Variants in CD200 observed in about 807,000 individuals in gnomAD.
CD200 encodes the protein CD200 molecule.
Under a neutral mutation model 30.9 loss-of-function variants are expected in CD200, and 15 were observed. The observed-to-expected ratio is 0.49, with a 90% confidence interval of 0.32 to 0.75. The LOEUF (loss-of-function observed/expected upper bound fraction) is 0.75. Ranked by LOEUF, CD200 falls within the 30% of genes least tolerant of loss-of-function variation. The pLI, the probability that CD200 is intolerant of heterozygous loss-of-function variation, is 0.03. For synonymous variants in CD200, 134 were observed against 126.2 expected (o/e 1.06, Z -0.41); for missense variants, 262 against 324.2 (o/e 0.81, Z 1.47).
Position 112,361,810 on chromosome 3 carries a change from G to A in CD200, c.*260G>A, listed in dbSNP as rs1200939804. 7.3e-6 allele frequency: 4 copies of A among 549,652 alleles called. No homozygotes were observed. The South Asian group carries it at 9.4e-5, about 13-fold the overall frequency. 34.0% of individuals were successfully genotyped at this position (549,652 alleles called of 1,614,324 possible). A position where few individuals can be genotyped will look rare whatever the true frequency, so the allele number is the denominator to read the frequency against. ...AATGCCATGTTATGTGGTTGAAAGG[G>A]CACTGGACTTAGTTAGTATCAGGAG... On this transcript the variant is annotated 3_prime_UTR_variant, in exon 6 of 6. Coordinates refer to ENST00000315711, the MANE Select transcript of CD200 (RefSeq NM_005944.7).
intron 2 of CD200, among the ~76,000 whole-genome samples, chr3:112,341,830 T>G (rs1271905304): frequency 6.6e-6 from 1 of 152,234 alleles, no homozygotes; most frequent in Non-Finnish European, 1.5e-5. Flanking sequence ...TTTCTTCAAA[T>G]CTCTGGTCTG....
Position 112,342,333 on chromosome 3 carries a change from CTTTCCTTCT to C in CD200, c.94+1353_94+1361del, listed in dbSNP as rs1559783140. ...TTCTTCTTTCTTTCTTTCTTTCTTT[CTTTCCTTCT>C]TTCTTTCTTTCTTTCTTTCTTTCTT... On this transcript the variant is annotated intron_variant, in intron 2 of 5. Coordinates refer to ENST00000315711, the MANE Select transcript of CD200 (RefSeq NM_005944.7). Among the ~76,000 whole-genome samples the C allele has an allele frequency of 7.4e-3, 155 of 21,058 alleles. 14 individuals carry two copies. The highest frequency in any genetic ancestry group is 0.017 in the African/African-American group (73 of 4,318). The allele number at this position is 21,058 out of a possible 152,430, so 13.8% of individuals were successfully genotyped here. A position where few individuals can be genotyped will look rare whatever the true frequency, so the allele number is the denominator to read the frequency against.
chr3:112,356,417 A>G (rs1032351511), intron 5 of CD200, among the ~76,000 whole-genome samples: 2 of 152,192 alleles, frequency 1.3e-5, no homozygotes, highest in African/African-American at 4.8e-5. Context: ...ATTTCTATAT[A>G]TGTATACATT....
At chr3:112,357,337 T>C (rs938871345) in intron 5 of CD200, among the ~76,000 whole-genome samples, 2 of 151,308 alleles carry the variant, frequency 1.3e-5, no homozygotes, top group Non-Finnish European at 2.9e-5. Flanking sequence ...AACACTGGCC[T>C]GGGAGGAGAG....
intron 5 of CD200, among the ~76,000 whole-genome samples, chr3:112,360,313 G>A (rs1230777373): frequency 7.4e-6 from 1 of 134,748 alleles, no homozygotes; most frequent in African/African-American, 2.9e-5. Context: ...GGTTGACACA[G>A]TGAGACTTCA....
chr3:112,333,322 C>T, intron 1 of CD200, 98 bp downstream of exon 1: 1 of 1,491,886 alleles, frequency 6.7e-7, no homozygotes, highest in East Asian at 2.5e-5. Flanking sequence ...GGAGCTTCGG[C>T]TCTTGCCACA....
At position 112,333,272 on chromosome 3, in the gene CD200, T is replaced by G. The variant is rs567179485; in HGVS notation, c.12+48T>G. ...AAGGAGGGCGCAGGGCAGGCGATGT[T>G]GAGCCGGTGGCCCTGGGGCGGGCGG... On this transcript the variant is annotated intron_variant, in intron 1 of 5. Coordinates refer to ENST00000315711, the MANE Select transcript of CD200 (RefSeq NM_005944.7). 4.5e-6 allele frequency: 7 copies of G among 1,539,182 alleles called. No homozygotes were observed. In the African/African-American group the frequency reaches 8.2e-5, roughly 18 times the overall value.
intron 1 of CD200, chr3:112,333,893 A>G (rs1448178507): frequency 1.0e-6 from 1 of 985,350 alleles, no homozygotes; most frequent in Non-Finnish European, 1.2e-6. Flanking sequence ...ATTCGGAACC[A>G]GCTTACAAGA....
intron 4 of CD200, among the ~76,000 whole-genome samples, chr3:112,348,410 G>T (rs2081453050): frequency 1.3e-5 from 2 of 152,146 alleles, no homozygotes; most frequent in Non-Finnish European, 2.9e-5. Context: ...CCATTTTAAA[G>T]CAAACTGCCT....
chr3:112,345,429 C>T, intron 3 of CD200, 141 bp downstream of exon 3: 1 of 664,348 alleles, frequency 1.5e-6, no homozygotes, highest in South Asian at 1.9e-5. Context: ...TCTACTATAG[C>T]TGTGTTTATG....
intron 5 of CD200, among the ~76,000 whole-genome samples, chr3:112,353,486 C>A (rs1176577276): frequency 1.3e-5 from 2 of 152,108 alleles, no homozygotes; most frequent in Non-Finnish European, 2.9e-5. Flanking sequence ...TCCTTCTCTT[C>A]ACAATAACCT....
At chr3:112,334,670 C>G (rs2081072751) in intron 1 of CD200, among the ~76,000 whole-genome samples, 1 of 151,870 alleles carries the variant, frequency 6.6e-6, no homozygotes, top group Non-Finnish European at 1.5e-5. Context: ...GTTTTAGCCC[C>G]GGTCACCTCC....
rs114267756 is a variant in CD200, at chr3:112,333,798, T to C, written c.12+574T>C. 1,579 of 985,370 alleles carry C rather than the reference T, an allele frequency of 1.6e-3. 16 individuals are homozygous for C. In the African/African-American group the frequency reaches 0.024, roughly 15 times the overall value. The allele number at this position is 985,370 out of a possible 1,614,324, so 61.0% of individuals were successfully genotyped here. ...ATGAAGGATCAGTTAAAGCTGAAGC[T>C]ACACTTGAGAGAGCTGAAATGCTCT... is the stretch of plus-strand genomic sequence containing the variant. On this transcript the variant is annotated intron_variant, in intron 1 of 5. Transcript: ENST00000315711.
intron 3 of CD200, among the ~76,000 whole-genome samples, chr3:112,346,258 CCTCT>C (rs1453335172): frequency 6.6e-6 from 1 of 151,258 alleles, no homozygotes; most frequent in African/African-American, 2.4e-5. Flanking sequence ...TCCTTTCCTC[CCTCT>C]CTGCCTTCCT....
intron 4 of CD200, among the ~76,000 whole-genome samples, chr3:112,348,088 A>C (rs1054385012): frequency 6.6e-6 from 1 of 152,198 alleles, no homozygotes; most frequent in Admixed American, 6.5e-5. Flanking sequence ...CTTCCACTCT[A>C]CTAACATGTA....
intron 3 of CD200, among the ~76,000 whole-genome samples, chr3:112,346,504 A>T (rs535858256): frequency 4.0e-5 from 6 of 151,774 alleles, no homozygotes; most frequent in South Asian, 2.1e-4. Flanking sequence ...TATAACTTTC[A>T]TGTAAGCCAT....
intron 5 of CD200, among the ~76,000 whole-genome samples, chr3:112,350,542 C>T (rs1385939503): frequency 2.0e-5 from 3 of 152,098 alleles, no homozygotes; most frequent in Non-Finnish European, 2.9e-5. Context: ...AAAGCAAGAG[C>T]AGTGAGCTAG....
At chr3:112,333,295 C>T in intron 1 of CD200, 71 bp downstream of exon 1, 3 of 1,510,946 alleles carry the variant, frequency 2.0e-6, no homozygotes, top group East Asian at 2.5e-5. Context: ...CTGGGGCGGG[C>T]GGCGAGTGGA....
chr3:112,345,737 G>A (rs1003975426), intron 3 of CD200, among the ~76,000 whole-genome samples: 1 of 152,202 alleles, frequency 6.6e-6, no homozygotes, highest in Non-Finnish European at 1.5e-5. Context: ...GATTGGACTA[G>A]CCTTGAGCCA....
Sources: gnomAD v4.1 joint callset for allele counts (sites outside exome capture counted in the v4.1 genomes callset) on GRCh38, gnomAD v4.1.1 for gene constraint, MANE v1.5 for transcripts, NCBI Gene and HGNC (gene_info 2026-07-23, HGNC 2026-07-21) for gene names.